Variants in CD6 observed in about 807,000 individuals in gnomAD.
CD6 encodes the protein T-cell differentiation antigen CD6.
Under a neutral mutation model 75.3 loss-of-function variants are expected in CD6, and 53 were observed. The ratio of observed to expected loss-of-function variants is 0.70; its 90% CI spans 0.56 to 0.88. The LOEUF is 0.88. CD6 is among the 40% of genes least tolerant of loss of function. The pLI is 0.00. For missense variants in CD6, 770 were observed against 897.1 expected (o/e 0.86, Z 1.81); for synonymous variants, 359 against 381.5 (o/e 0.94, Z 0.69).
At chr11:60,972,032 T>C in intron 1 of CD6, 118 bp downstream of exon 1, 1 of 1,008,792 alleles carries the variant, frequency 9.9e-7, no homozygotes, top group Non-Finnish European at 1.5e-6. Flanking sequence ...TAGCCAAGAC[T>C]ACACTCAGGT....
intron 1 of CD6, among the ~76,000 whole-genome samples, chr11:60,996,299 T>C (rs972162121): frequency 2.0e-5 from 3 of 152,072 alleles, no homozygotes; most frequent in African/African-American, 7.2e-5. Context: ...GTGGGAAGCA[T>C]CACAACATCC....
intron 1 of CD6, among the ~76,000 whole-genome samples, chr11:60,990,514 G>C (rs1404689000): frequency 6.6e-6 from 1 of 152,044 alleles, no homozygotes; most frequent in African/African-American, 2.4e-5. Flanking sequence ...GTGAGCCACC[G>C]CGCCTGGCCT....
intron 5 of CD6, among the ~76,000 whole-genome samples, chr11:61,010,599 T>C (rs937644918): frequency 6.6e-6 from 1 of 152,132 alleles, no homozygotes; most frequent in African/African-American, 2.4e-5. Context: ...TTAACCTCCA[T>C]GTGTGGATGC....
Position 61,001,069 on chromosome 11 carries a change from C to T in CD6, c.50-5505C>T, listed in dbSNP as rs189895688. Among the ~76,000 whole-genome samples, 26 of 152,306 alleles carry T rather than the reference C, an allele frequency of 1.7e-4. No homozygotes were observed. The East Asian group carries it at 4.8e-3, about 28-fold the overall frequency. On this transcript the variant is annotated intron_variant, in intron 1 of 12. Transcript: ENST00000313421. ...TGATTTTCAGGGGCACACAGTATAA[C>T]TTCAGGTGGTAAATGAACTTAGCAT... is the stretch of plus-strand genomic sequence containing the variant.
chr11:60,982,068 CG>C (rs11319097), intron 1 of CD6, among the ~76,000 whole-genome samples: 53,896 of 67,616 alleles, frequency 0.8, 20,372 homozygotes, highest in East Asian at 0.96. Flanking sequence ...GCCAGGGTGG[CG>C]GGGGGGGGGG....
chr11:60,986,053 G>A (rs1473251226), intron 1 of CD6, among the ~76,000 whole-genome samples: 1 of 152,128 alleles, frequency 6.6e-6, no homozygotes, highest in Non-Finnish European at 1.5e-5. Context: ...CCTTGGAACG[G>A]GGCAAGGACT....
In CD6 at chr11:60,981,495, C is replaced by G. The variant is rs115297569; in HGVS notation, c.49+9581C>G. 4.2e-4 allele frequency among the ~76,000 whole-genome samples: 64 copies of G among 152,352 alleles called. 2 individuals are homozygous for G. The highest frequency in any genetic ancestry group is 1.5e-3 in the African/African-American group (62 of 41,578). On this transcript the variant is annotated intron_variant, in intron 1 of 12. Coordinates refer to ENST00000313421, the MANE Select transcript of CD6 (RefSeq NM_006725.5). ...CATGGAACTTTATGGAGCCTGAGCTCTCCTCCTTCAGGCTGAGTGGCCATG... is the reference window on the plus strand; with the variant it reads ...CATGGAACTTTATGGAGCCTGAGCTGTCCTCCTTCAGGCTGAGTGGCCATG...
At chr11:60,995,346 T>C (rs960993308) in intron 1 of CD6, among the ~76,000 whole-genome samples, 1 of 152,094 alleles carries the variant, frequency 6.6e-6, no homozygotes, top group Non-Finnish European at 1.5e-5. Context: ...GATTTCGCCA[T>C]GTTGGCCAGG....
rs748019145 is a variant in CD6 at position 61,015,686 on chromosome 11, AT to A, written c.1388-26del. The stretch of plus-strand genomic sequence containing the variant: ...ACACCTTTCCGCCCACCACTTTGCC[AT>A]GCCCTCGACTCTGTTCTCTCCCCAG... On this transcript the variant is annotated intron_variant, in intron 8 of 12. Transcript: ENST00000313421. 16 of 1,613,302 alleles carry A rather than the reference AT, an allele frequency of 9.9e-6. No individual in the cohort carries two copies. The East Asian group carries it at 3.6e-4, about 36-fold the overall frequency.
At chr11:60,980,899 G>A (rs1223584978) in intron 1 of CD6, among the ~76,000 whole-genome samples, 3 of 152,238 alleles carry the variant, frequency 2.0e-5, no homozygotes, top group East Asian at 3.9e-4. Flanking sequence ...AAACCTGGAG[G>A]TGGGACAGCC....
intron 1 of CD6, among the ~76,000 whole-genome samples, chr11:60,997,291 T>A (rs570586898): frequency 6.6e-6 from 1 of 151,200 alleles, no homozygotes; most frequent in South Asian, 2.1e-4. Flanking sequence ...GGCAGGAGAA[T>A]CGCTTGAACC....
intron 1 of CD6, among the ~76,000 whole-genome samples, chr11:60,977,002 C>T (rs1165531935): frequency 6.6e-6 from 1 of 152,144 alleles, no homozygotes; most frequent in African/African-American, 2.4e-5. Context: ...TCTCTGGCCA[C>T]AGGTCAATGA....
Position 61,006,780 on chromosome 11 carries a change from C to T in CD6, c.118+138C>T. On this transcript the variant is annotated intron_variant, in intron 2 of 12. Coordinates refer to ENST00000313421, the MANE Select transcript of CD6 (RefSeq NM_006725.5). Reference sequence around the variant, plus strand: ...GACAACACTTCTTCCTGACCCATCACCTGAAGTTCCACTATCAATTCACTT... The same window carrying T: ...GACAACACTTCTTCCTGACCCATCATCTGAAGTTCCACTATCAATTCACTT... The T allele has an allele frequency of 4.3e-6, 3 of 690,718 alleles. No individual in the cohort carries two copies. In the South Asian group the frequency reaches 5.0e-5, roughly 12 times the overall value. The allele number at this position is 690,718 out of a possible 1,614,324, so 42.8% of individuals were successfully genotyped here.
In CD6 at chr11:61,013,942, C is replaced by T; in HGVS notation, c.1315C>T (p.Gln439Ter). The change falls in exon 8 of 13, where the codon CAG becomes TAG. Residue 439 changes from glutamine to a stop codon, truncating the protein, a stop_gained. Coordinates refer to ENST00000313421, the MANE Select transcript of CD6 (RefSeq NM_006725.5). LOFTEE classifies it high-confidence loss of function. ...KYALPVMVNH[Q>*]HLPTTIPAGS... ...AGCCCTCCCCGTAATGGTGAACCAC[C>T]AGCACCTACCCACCACCATCCCGGC... 6.2e-7 allele frequency: 1 copy of T among 1,613,280 alleles called. No individual in the cohort carries two copies. The highest frequency in any genetic ancestry group is 8.5e-7 in the Non-Finnish European group (1 of 1,179,676).
At chr11:60,985,450 G>T (rs1053494037) in intron 1 of CD6, among the ~76,000 whole-genome samples, 2 of 151,940 alleles carry the variant, frequency 1.3e-5, no homozygotes. Context: ...CTCCCAGAGT[G>T]CTGGGATTAC....
rs1590734505 is a variant in CD6, at chr11:61,019,684, C to T, written c.*366C>T. 1.3e-5 allele frequency: 3 copies of T among 223,890 alleles called. No homozygotes were observed. Among genetic ancestry groups the T allele is most frequent in the Middle Eastern group, 1.4e-3 (1 of 692 alleles). 13.9% of individuals were successfully genotyped at this position (223,890 alleles called of 1,614,324 possible). ...AGGCCCCTTCCAAACCTCAAGTGTCCGGCGCTTTGATTGCCTGAGTTTCTG... is the reference window on the plus strand; with the variant it reads ...AGGCCCCTTCCAAACCTCAAGTGTCTGGCGCTTTGATTGCCTGAGTTTCTG... On this transcript the variant is annotated 3_prime_UTR_variant, in exon 13 of 13. Transcript: ENST00000313421.
At chr11:61,015,540 C>T (rs1859357669) in intron 8 of CD6, 173 bp from the exon 9 acceptor site, 2 of 731,540 alleles carry the variant, frequency 2.7e-6, no homozygotes, top group South Asian at 3.6e-5. Context: ...CACTGTACTC[C>T]AGCCTGGACA....
chr11:61,016,467 A>G (rs551163226), intron 9 of CD6, among the ~76,000 whole-genome samples: 1 of 152,332 alleles, frequency 6.6e-6, no homozygotes, highest in South Asian at 2.1e-4. Context: ...AGTCAGGATG[A>G]GAATTTGGCT....
At chr11:60,976,751 C>G (rs1001829033) in intron 1 of CD6, among the ~76,000 whole-genome samples, 1 of 152,112 alleles carries the variant, frequency 6.6e-6, no homozygotes, top group Non-Finnish European at 1.5e-5. Context: ...TTTGATAGTC[C>G]GTGCCCTCTA....
Sources: gnomAD v4.1 joint callset for allele counts (sites outside exome capture counted in the v4.1 genomes callset) on GRCh38, gnomAD v4.1.1 for gene constraint, MANE v1.5 for transcripts, NCBI Gene and HGNC (gene_info 2026-07-23, HGNC 2026-07-21) for gene names.